The following SDK1 variants were observed in gnomAD, a reference collection of about 807,000 sequenced individuals.
SDK1 encodes the protein protein sidekick-1.
Under a neutral mutation model 245.5 loss-of-function variants are expected in SDK1, and 157 were observed. The ratio of observed to expected loss-of-function variants is 0.64; its 90% CI spans 0.56 to 0.73. The LOEUF is 0.73. Ranked by LOEUF, SDK1 falls within the 30% of genes least tolerant of loss-of-function variation. The pLI is 0.00. For synonymous variants in SDK1, 1,647 were observed against 1,278.5 expected (o/e 1.29, Z -6.15); for missense variants, 3,583 against 3,002.3 (o/e 1.19, Z -4.52).
chr7:3,951,901 G>A lies in SDK1; in HGVS notation c.1131G>A (p.Thr377=), dbSNP rs766375512. The change falls in exon 7 of 45, where the codon ACG becomes ACA. Residue 377 remains threonine, a synonymous_variant. Transcript: ENST00000404826. ...PGSAFEPARA[T]AFLFIIEPPY... ...GCGCTTTTGAACCGGCCAGGGCGAC[G>A]GCCTTTCTTTTCATCATAGGTAATG... 5.0e-6 allele frequency: 8 copies of A among 1,612,900 alleles called. No individual in the cohort carries two copies. Among genetic ancestry groups the A allele is most frequent in the South Asian group, 4.4e-5 (4 of 91,022 alleles).
At chr7:3,545,670 C>G (rs997403321) in intron 1 of SDK1, among the ~76,000 whole-genome samples, 2 of 152,198 alleles carry the variant, frequency 1.3e-5, no homozygotes, top group East Asian at 3.9e-4. Flanking sequence ...CTGCCATCCT[C>G]TGGCTGGTTC....
chr7:3,889,347 C>A (rs555964851), intron 5 of SDK1, among the ~76,000 whole-genome samples: 57 of 152,364 alleles, frequency 3.7e-4, no homozygotes, highest in African/African-American at 1.4e-3. Flanking sequence ...AGAGTCAGGC[C>A]TACAGTTGGG....
chr7:3,993,736 T>C (rs138799602), intron 14 of SDK1, among the ~76,000 whole-genome samples: 126 of 152,234 alleles, frequency 8.3e-4, no homozygotes, highest in African/African-American at 2.9e-3. Flanking sequence ...CCTCTCTGTG[T>C]TCTGTCTTCA....
At chr7:3,943,006 G>A (rs1048220206) in intron 5 of SDK1, among the ~76,000 whole-genome samples, 2 of 152,200 alleles carry the variant, frequency 1.3e-5, no homozygotes, top group African/African-American at 2.4e-5. Context: ...TGCGGGGAAC[G>A]GCCCATGGCC....
intron 23 of SDK1, among the ~76,000 whole-genome samples, chr7:4,111,015 C>A (rs1420857439): frequency 1.3e-5 from 2 of 152,064 alleles, no homozygotes; most frequent in Non-Finnish European, 2.9e-5. Context: ...GGCAAAACAC[C>A]CCATAGAAAT....
chr7:3,892,333 G>A (rs910984056), intron 5 of SDK1, among the ~76,000 whole-genome samples: 1 of 152,178 alleles, frequency 6.6e-6, no homozygotes, highest in Admixed American at 6.5e-5. Context: ...TGTTCTCCAC[G>A]TCTCCTCATG....
intron 35 of SDK1, among the ~76,000 whole-genome samples, chr7:4,199,130 G>A (rs1480592070): frequency 2.0e-5 from 3 of 152,138 alleles, no homozygotes; most frequent in Non-Finnish European, 4.4e-5. Flanking sequence ...TTTCTAAAAG[G>A]AGAATACAGT....
intron 13 of SDK1, among the ~76,000 whole-genome samples, chr7:3,983,972 A>G (rs978763563): frequency 1.8e-4 from 28 of 152,366 alleles, no homozygotes; most frequent in Non-Finnish European, 3.7e-4. Context: ...CTTGCCGCCT[A>G]CACTAAACGC....
intron 1 of SDK1, among the ~76,000 whole-genome samples, chr7:3,591,507 A>C (rs951171825): frequency 3.3e-5 from 5 of 152,260 alleles, no homozygotes; most frequent in African/African-American, 1.2e-4. Flanking sequence ...AAATTAAAGA[A>C]ATATTTTGCA....
intron 1 of SDK1, among the ~76,000 whole-genome samples, chr7:3,496,894 C>G (rs902641128): frequency 6.6e-6 from 1 of 152,172 alleles, no homozygotes; most frequent in Non-Finnish European, 1.5e-5. Context: ...TTGACGTGAT[C>G]AGATGCCTCT....
intron 4 of SDK1, among the ~76,000 whole-genome samples, chr7:3,679,398 C>A (rs534647935): frequency 3.3e-5 from 5 of 152,106 alleles, no homozygotes; most frequent in African/African-American, 1.2e-4. Context: ...AACCCCGTCT[C>A]TACTAAAAAT....
At position 4,210,267 on chromosome 7, in the gene SDK1, C is replaced by T. The variant is rs576894555; in HGVS notation, c.5539+105C>T. ...CTGACCGCTTCTGTGGGCCAGGAGC[C>T]TTCTGGCGCCTGAAGTGGGGGGTTT... On this transcript the variant is annotated intron_variant, in intron 38 of 44. Transcript: ENST00000404826. 2,710 of 1,179,972 alleles carry T rather than the reference C, an allele frequency of 2.3e-3. 9 individuals carry two copies. Among genetic ancestry groups the T allele is most frequent in the South Asian group, 5.4e-3 (208 of 38,830 alleles). 73.1% of individuals were successfully genotyped at this position (1,179,972 alleles called of 1,614,324 possible). A position where few individuals can be genotyped will look rare whatever the true frequency, so the allele number is the denominator to read the frequency against.
At chr7:3,394,785 A>C (rs1297871982) in intron 1 of SDK1, among the ~76,000 whole-genome samples, 1 of 151,874 alleles carries the variant, frequency 6.6e-6, no homozygotes, top group Non-Finnish European at 1.5e-5. Flanking sequence ...GTGTCTCTTA[A>C]TTTTACTTCC....
At chr7:3,854,022 T>A (rs1187005970) in intron 5 of SDK1, among the ~76,000 whole-genome samples, 2 of 152,188 alleles carry the variant, frequency 1.3e-5, no homozygotes, top group Non-Finnish European at 2.9e-5. Context: ...CAGAGCATTT[T>A]TTGATTTTTA....
At chr7:3,807,277 A>G (rs559362250) in intron 4 of SDK1, among the ~76,000 whole-genome samples, 1 of 152,328 alleles carries the variant, frequency 6.6e-6, no homozygotes, top group East Asian at 1.9e-4. Context: ...AAGAAGGCCA[A>G]GAAGGCCTGC....
At chr7:3,835,221 C>T (rs1390136227) in intron 5 of SDK1, among the ~76,000 whole-genome samples, 1 of 152,188 alleles carries the variant, frequency 6.6e-6, no homozygotes, top group Non-Finnish European at 1.5e-5. Context: ...GTTTGAGCTT[C>T]TTTGTCTGAC....
At chr7:4,014,634 A>G (rs1241226621) in intron 16 of SDK1, among the ~76,000 whole-genome samples, 1 of 152,218 alleles carries the variant, frequency 6.6e-6, no homozygotes, top group Non-Finnish European at 1.5e-5. Flanking sequence ...AGTAGTTAGG[A>G]CGCGTGTGCA....
rs76313981 is a variant in SDK1 at position 3,733,996 on chromosome 7, C to G, written c.714-87454C>G. ...CCAAGATGATTCAGATGTAAGTGCT[C>G]TGAGGATTCATGCTGGGAACAGATC... On this transcript the variant is annotated intron_variant, in intron 4 of 44. Transcript: ENST00000404826. 5.4e-3 allele frequency among the ~76,000 whole-genome samples: 816 copies of G among 152,288 alleles called. 6 individuals carry two copies. Among genetic ancestry groups the G allele is most frequent in the African/African-American group, 0.018 (767 of 41,536 alleles).
chr7:3,688,609 T>G (rs957539617), intron 4 of SDK1, among the ~76,000 whole-genome samples: 7 of 152,360 alleles, frequency 4.6e-5, no homozygotes, highest in African/African-American at 1.7e-4. Context: ...TCTAACAGCA[T>G]GATTTCTAGA....
Sources: allele counts gnomAD v4.1 joint callset (sites outside exome capture counted in the v4.1 genomes callset), GRCh38; gene constraint gnomAD v4.1.1; transcripts MANE v1.5; gene names NCBI Gene and HGNC (gene_info 2026-07-23, HGNC 2026-07-21).